Variants in OPRD1 observed in about 807,000 individuals in gnomAD.
The protein encoded by OPRD1 is delta-type opioid receptor.
Under a neutral mutation model 17.5 loss-of-function variants are expected in OPRD1, and 19 were observed. That is an observed-to-expected ratio of 1.09 (90% CI 0.76 to 1.60). OPRD1 has a LOEUF of 1.60. Ranked by LOEUF, OPRD1 falls within the 40% of genes most tolerant of loss-of-function variation. OPRD1 has a pLI of 0.00. For missense variants in OPRD1, 483 were observed against 547.2 expected, an observed-to-expected ratio of 0.88 and a Z score of 1.17; for synonymous variants, 256 against 240.9, an observed-to-expected ratio of 1.06 and a Z score of -0.58.
At chr1:28,846,846 T>TTTCTTTCTTTCTTTCTTTCTTTTCTTTC (rs769212543) in intron 1 of OPRD1, among the ~76,000 whole-genome samples, 25 of 76,926 alleles carry the variant, frequency 3.2e-4, no homozygotes, top group Middle Eastern at 0.011. Flanking sequence ...TCTTTCTTTC[T>TTTCTTTCTTTCTTTCTTTCTTTTCTTTC]TTTCTTTCTT....
intron 2 of OPRD1, among the ~76,000 whole-genome samples, chr1:28,860,902 C>T (rs2089108777): frequency 6.6e-6 from 1 of 152,166 alleles, no homozygotes; most frequent in Non-Finnish European, 1.5e-5. Flanking sequence ...TTGGCCTTGA[C>T]TCACAGCAGA....
intron 2 of OPRD1, among the ~76,000 whole-genome samples, chr1:28,861,145 G>A (rs2089113069): frequency 6.6e-6 from 1 of 152,174 alleles, no homozygotes; most frequent in South Asian, 2.1e-4. Context: ...GGTCCTGCCA[G>A]CCTGATGTCC....
chr1:28,843,257 C>T (rs2088909497), intron 1 of OPRD1, among the ~76,000 whole-genome samples: 1 of 152,120 alleles, frequency 6.6e-6, no homozygotes, highest in Non-Finnish European at 1.5e-5. Flanking sequence ...TCTTGATTAC[C>T]GCCTTTTTTA....
chr1:28,858,544 CTTTTTTT>C (rs1168180514), intron 1 of OPRD1, among the ~76,000 whole-genome samples: 6 of 133,554 alleles, frequency 4.5e-5, no homozygotes, highest in Admixed American at 7.6e-5. Context: ...TGCCCCAACC[CTTTTTTT>C]TTTTTTTTTT....
At chr1:28,846,845 C>CTTTTCT (rs1207749783) in intron 1 of OPRD1, among the ~76,000 whole-genome samples, 1 of 58,762 alleles carries the variant, frequency 1.7e-5, no homozygotes. Flanking sequence ...TTCTTTCTTT[C>CTTTTCT]TTTTCTTTCT....
chr1:28,823,190 CTTTTTTTTTTTT>C lies in OPRD1; in HGVS notation c.227+10593_227+10604del, dbSNP rs773578102. On this transcript the variant is annotated intron_variant, in intron 1 of 2. Transcript: ENST00000234961. ...CAGAAAGAATCTTTTCTTCTGTAGT[CTTTTTTTTTTTT>C]TTTTTTTTTTTTGACATGGAGCCTC... Among the ~76,000 whole-genome samples the C allele has an allele frequency of 5.9e-5, 6 of 101,902 alleles. No individual in the cohort carries two copies. The South Asian group carries it at 9.2e-4, about 16-fold the overall frequency. The allele number at this position is 101,902 out of a possible 152,430, so 66.9% of individuals were successfully genotyped here.
chr1:28,862,317 T>C (rs891319361), intron 2 of OPRD1, among the ~76,000 whole-genome samples: 1 of 152,120 alleles, frequency 6.6e-6, no homozygotes, highest in African/African-American at 2.4e-5. Flanking sequence ...TTCCTTACAC[T>C]ATGTAGTAGG....
intron 1 of OPRD1, among the ~76,000 whole-genome samples, chr1:28,825,256 C>A (rs1372956809): frequency 6.6e-6 from 1 of 152,158 alleles, no homozygotes; most frequent in Non-Finnish European, 1.5e-5. Flanking sequence ...AGTCCATGGC[C>A]AAGGCTGGAC....
In OPRD1 at chr1:28,815,383, G is replaced by A. The variant is rs1441835063; in HGVS notation, c.227+2773G>A. Among the ~76,000 whole-genome samples the A allele has an allele frequency of 2.0e-5, 3 of 152,204 alleles. No homozygotes were observed. In the East Asian group the frequency reaches 5.8e-4, roughly 29 times the overall value. On this transcript the variant is annotated intron_variant, in intron 1 of 2. Coordinates refer to ENST00000234961, the MANE Select transcript of OPRD1 (RefSeq NM_000911.4). The stretch of plus-strand genomic sequence containing the variant: ...GGCCTCCCAAAGTGCTGGGATTACG[G>A]GCGGAGCCATGGTGCCCGGCTGTGT...
chr1:28,837,044 G>A (rs762982353), intron 1 of OPRD1, among the ~76,000 whole-genome samples: 9 of 152,130 alleles, frequency 5.9e-5, no homozygotes, highest in South Asian at 2.1e-4. Context: ...ACAACTCACC[G>A]TAAGGTAGAA....
chr1:28,852,955 G>T (rs113740320), intron 1 of OPRD1, among the ~76,000 whole-genome samples: 8,981 of 152,120 alleles, frequency 0.059, 299 homozygotes, highest in Middle Eastern at 0.11. Context: ...CCTGGCCTCA[G>T]GTGATCTACC....
At position 28,812,596 on chromosome 1, in the gene OPRD1, G is replaced by A; in HGVS notation, c.213G>A (p.Met71Ile). The change falls in exon 1 of 3, where the codon ATG becomes ATA. Residue 71 changes from methionine (M) to isoleucine (I), a missense_variant. Met to Ile is a conservative substitution (Grantham distance 10, BLOSUM62 1). Transcript: ENST00000234961. The part of the protein sequence containing the change: ...AVGLLGNVLV[M>I]FGIVRYTKMK... ...GGCTGCTGGGCAACGTGCTTGTCATGTTCGGCATCGTCCGGTGAGTCCGCT... is the reference window on the plus strand; with the variant it reads ...GGCTGCTGGGCAACGTGCTTGTCATATTCGGCATCGTCCGGTGAGTCCGCT... The A allele has an allele frequency of 3.2e-6, 5 of 1,543,122 alleles. No homozygotes were observed. The highest frequency in any genetic ancestry group is 4.3e-6 in the Non-Finnish European group (5 of 1,150,370).
intron 1 of OPRD1, among the ~76,000 whole-genome samples, chr1:28,826,851 T>C (rs1420158620): frequency 6.6e-6 from 1 of 152,242 alleles, no homozygotes; most frequent in Non-Finnish European, 1.5e-5. Context: ...TGATAGCATC[T>C]TACCAACAGT....
At chr1:28,826,719 G>A (rs758752055) in intron 1 of OPRD1, among the ~76,000 whole-genome samples, 3 of 152,134 alleles carry the variant, frequency 2.0e-5, no homozygotes, top group East Asian at 1.9e-4. Flanking sequence ...CTGGTTGGGG[G>A]TAGTGGTTGC....
intron 1 of OPRD1, among the ~76,000 whole-genome samples, chr1:28,836,206 C>T (rs550044423): frequency 5.9e-5 from 9 of 152,266 alleles, no homozygotes; most frequent in African/African-American, 2.2e-4. Context: ...TTGCCATAAA[C>T]TGGGTGACTT....
intron 1 of OPRD1, among the ~76,000 whole-genome samples, chr1:28,845,561 A>G (rs2088933023): frequency 1.3e-5 from 2 of 152,126 alleles, no homozygotes; most frequent in Admixed American, 1.3e-4. Flanking sequence ...TGTCATATCC[A>G]AGAAATCATT....
chr1:28,850,049 T>G (rs1046615521), intron 1 of OPRD1, among the ~76,000 whole-genome samples: 4 of 151,862 alleles, frequency 2.6e-5, no homozygotes, highest in Admixed American at 2.0e-4. Flanking sequence ...CTGGCTAATT[T>G]TTTTGTATTT....
Position 28,845,221 on chromosome 1 carries a change from T to C in OPRD1, c.228-13733T>C, listed in dbSNP as rs371421894. ...AGCTGGGGCCAGGCACGGTGGCTCA[T>C]GCCTGTAATCCCAGCTCTTTGGGAG... On this transcript the variant is annotated intron_variant, in intron 1 of 2. Coordinates refer to ENST00000234961, the MANE Select transcript of OPRD1 (RefSeq NM_000911.4). Among the ~76,000 whole-genome samples the C allele has an allele frequency of 3.3e-4, 50 of 152,074 alleles. 1 individual carries two copies. The highest frequency in any genetic ancestry group is 1.1e-3 in the African/African-American group (45 of 41,478).
intron 1 of OPRD1, among the ~76,000 whole-genome samples, chr1:28,813,364 A>G (rs1333562224): frequency 6.6e-6 from 1 of 152,212 alleles, no homozygotes; most frequent in Non-Finnish European, 1.5e-5. Context: ...TCTGGTCAGG[A>G]ATTCTGAATA....
Sources: allele counts gnomAD v4.1 joint callset (sites outside exome capture counted in the v4.1 genomes callset), GRCh38; gene constraint gnomAD v4.1.1; transcripts MANE v1.5; gene names NCBI Gene and HGNC (gene_info 2026-07-23, HGNC 2026-07-21).